SLC10A6: variants seen among roughly 807,000 people sequenced by gnomAD.
SLC10A6 encodes the protein solute carrier family 10 member 6, also known as sodium-dependent organic anion transporter.
Under a neutral mutation model 30.0 loss-of-function variants are expected in SLC10A6, and 27 were observed. That is an observed-to-expected ratio of 0.90 (90% CI 0.66 to 1.24). The LOEUF (loss-of-function observed/expected upper bound fraction) is 1.24. Ranked by LOEUF, SLC10A6 falls within the 50% of genes most tolerant of loss-of-function variation. The pLI is 0.00. For missense variants in SLC10A6, 439 were observed against 457.0 expected (o/e 0.96, Z 0.36); for synonymous variants, 166 against 173.8 (o/e 0.95, Z 0.36).
At chr4:86,842,817 T>C (rs538633608) in intron 1 of SLC10A6, among the ~76,000 whole-genome samples, 1 of 56,994 alleles carries the variant, frequency 1.8e-5, no homozygotes, top group East Asian at 5.7e-4. Flanking sequence ...TTTCTTTCTT[T>C]CTTTCTTTCT....
At chr4:86,837,009 G>A (rs906310120) in intron 1 of SLC10A6, among the ~76,000 whole-genome samples, 9 of 151,724 alleles carry the variant, frequency 5.9e-5, no homozygotes, top group Non-Finnish European at 7.4e-5. Flanking sequence ...CACCCGCCTC[G>A]GCCTCCTAAA....
chr4:86,838,789 G>C lies in SLC10A6; in HGVS notation c.378-5365C>G, dbSNP rs185874878. ...AATACAAAAATTAGCCGGGCATGGT[G>C]GCACACGCCTGTAATCCCAGCTACT... On this transcript the variant is annotated intron_variant, in intron 1 of 5. Coordinates refer to ENST00000273905, the MANE Select transcript of SLC10A6 (RefSeq NM_197965.3). 2.4e-3 allele frequency among the ~76,000 whole-genome samples: 359 copies of C among 152,036 alleles called. 8 individuals are homozygous for C. The South Asian group carries it at 0.045, about 19-fold the overall frequency.
At chr4:86,837,951 G>A (rs1746228899) in intron 1 of SLC10A6, among the ~76,000 whole-genome samples, 1 of 152,162 alleles carries the variant, frequency 6.6e-6, no homozygotes, top group Non-Finnish European at 1.5e-5. Context: ...AGGTCCTTCA[G>A]CACTTTATTG....
chr4:86,837,287 A>AAAGAAAG (rs1560460369), intron 1 of SLC10A6, among the ~76,000 whole-genome samples: 25 of 71,938 alleles, frequency 3.5e-4, no homozygotes, highest in South Asian at 5.0e-4. Flanking sequence ...AAGAAAGAAA[A>AAAGAAAG]AGAAAGGAAG....
intron 1 of SLC10A6, among the ~76,000 whole-genome samples, chr4:86,834,119 G>A (rs1264751025): frequency 6.6e-6 from 1 of 152,136 alleles, no homozygotes; most frequent in Admixed American, 6.6e-5. Flanking sequence ...CGGTCACAGG[G>A]GCAGATCCCT....
At chr4:86,829,155 A>T (rs1216965759) in intron 3 of SLC10A6, among the ~76,000 whole-genome samples, 1 of 152,220 alleles carries the variant, frequency 6.6e-6, no homozygotes, top group Non-Finnish European at 1.5e-5. Flanking sequence ...TCATGTCTGT[A>T]ATCCCAGAAC....
intron 1 of SLC10A6, among the ~76,000 whole-genome samples, chr4:86,841,891 C>G (rs549728354): frequency 6.6e-6 from 1 of 152,118 alleles, no homozygotes; most frequent in Admixed American, 6.5e-5. Flanking sequence ...TAGAATAGAG[C>G]GTAAGGCCCG....
chr4:86,846,767 GTACATATATA>G (rs1369307343), intron 1 of SLC10A6, among the ~76,000 whole-genome samples: 2 of 152,050 alleles, frequency 1.3e-5, no homozygotes, highest in Non-Finnish European at 2.9e-5. Flanking sequence ...TTGAGTGTGT[GTACATATATA>G]TACATATATA....
chr4:86,834,232 T>C (rs1746142587), intron 1 of SLC10A6, among the ~76,000 whole-genome samples: 2 of 152,100 alleles, frequency 1.3e-5, no homozygotes, highest in Admixed American at 1.3e-4. Flanking sequence ...TCCCCTCTCT[T>C]ACCATGTGAT....
In SLC10A6 at chr4:86,831,812, G is replaced by T. The variant is rs1215514427; in HGVS notation, c.565C>A (p.Gln189Lys). Residue 189 changes from glutamine to lysine, a missense_variant, in exon 3 of 6, where the codon CAA (glutamine) becomes AAA (lysine). Physicochemically the swap from Gln to Lys is moderately conservative, Grantham distance 53. Coordinates refer to ENST00000273905, the MANE Select transcript of SLC10A6 (RefSeq NM_197965.3). The part of the protein sequence containing the change: ...GVYVNYRWPK[Q>K]SKIILKIGAV... ...CTCACCTTGAGAATGATTTTGGATT[G>T]TTTTGGCCATCTGTAATTCACATAG... 2 of 1,613,258 alleles carry T rather than the reference G, an allele frequency of 1.2e-6. No homozygotes were observed. The highest frequency in any genetic ancestry group is 1.3e-5 in the African/African-American group (1 of 75,002).
intron 3 of SLC10A6, among the ~76,000 whole-genome samples, chr4:86,829,198 G>A (rs1462639708): frequency 6.6e-6 from 1 of 152,094 alleles, no homozygotes; most frequent in Non-Finnish European, 1.5e-5. Flanking sequence ...ATCACCTGAG[G>A]TCAGGAGTTC....
chr4:86,831,833 CAT>C lies in SLC10A6; in HGVS notation c.542_543del (p.Tyr181CysfsTer100). 1 of 1,613,606 alleles carries C rather than the reference CAT, an allele frequency of 6.2e-7. No individual in the cohort carries two copies. ...GATTGTTTTGGCCATCTGTAATTCACATAGACACCAAAGGCCACAGGAATGGT... is the reference window on the plus strand; with the variant it reads ...GATTGTTTTGGCCATCTGTAATTCACAGACACCAAAGGCCACAGGAATGGT... ...CLTIPVAFGV[Y>X]VNYRWPKQSK... On this transcript the variant is annotated frameshift_variant, in exon 3 of 6. Transcript: ENST00000273905. LOFTEE classifies it high-confidence loss of function.
At chr4:86,829,609 T>C (rs1208947000) in intron 3 of SLC10A6, among the ~76,000 whole-genome samples, 1 of 151,972 alleles carries the variant, frequency 6.6e-6, no homozygotes, top group Non-Finnish European at 1.5e-5. Context: ...ACCAAAGATT[T>C]CAAAGTTTAA....
intron 1 of SLC10A6, among the ~76,000 whole-genome samples, chr4:86,839,352 G>A (rs1456581258): frequency 6.6e-6 from 1 of 152,036 alleles, no homozygotes; most frequent in East Asian, 1.9e-4. Flanking sequence ...TCGGGAGGCT[G>A]AGGCAGGAGG....
At chr4:86,824,194 C>G (rs1300573609) in intron 5 of SLC10A6, among the ~76,000 whole-genome samples, 1 of 152,174 alleles carries the variant, frequency 6.6e-6, no homozygotes, top group African/African-American at 2.4e-5. Context: ...TTCACTCATT[C>G]AGCTAGTCAG....
In SLC10A6 at chr4:86,838,108, T is replaced by C. The variant is rs550757945; in HGVS notation, c.378-4684A>G. On this transcript the variant is annotated intron_variant, in intron 1 of 5. Transcript: ENST00000273905. ...TATACTCTTGACAAAGCAGCATCTG[T>C]TTTACTTCAATGATACTAAAAAGAT... Among the ~76,000 whole-genome samples the C allele has an allele frequency of 5.9e-5, 9 of 152,344 alleles. No individual in the cohort carries two copies. The South Asian group carries it at 8.3e-4, about 14-fold the overall frequency.
Position 86,849,180 on chromosome 4 carries a change from C to T in SLC10A6, c.-65G>A. 6.5e-7 allele frequency: 1 copy of T among 1,530,578 alleles called. No individual in the cohort carries two copies. The highest frequency in any genetic ancestry group is 1.4e-5 in the African/African-American group (1 of 72,470). The allele number at this position is 1,530,578 out of a possible 1,614,324, so 94.8% of individuals were successfully genotyped here. On this transcript the variant is annotated 5_prime_UTR_variant, in exon 1 of 6. Coordinates refer to ENST00000273905, the MANE Select transcript of SLC10A6 (RefSeq NM_197965.3). ...GCAACAATGGCTGGGCAGGTCTATCCTGCCACATTTTGTAATAGTGCAACG... is the reference window on the plus strand; with the variant it reads ...GCAACAATGGCTGGGCAGGTCTATCTTGCCACATTTTGTAATAGTGCAACG...
intron 1 of SLC10A6, among the ~76,000 whole-genome samples, chr4:86,839,924 T>C (rs1256043370): frequency 6.6e-6 from 1 of 151,462 alleles, no homozygotes; most frequent in Non-Finnish European, 1.5e-5. Context: ...TTATTTTTTT[T>C]TTTTAGCTGG....
intron 1 of SLC10A6, among the ~76,000 whole-genome samples, chr4:86,843,356 A>G (rs1175078136): frequency 6.6e-6 from 1 of 152,164 alleles, no homozygotes; most frequent in Non-Finnish European, 1.5e-5. Flanking sequence ...AGCTATTGCA[A>G]TGCTTTCCAA....
Sources: allele counts gnomAD v4.1 joint callset (sites outside exome capture counted in the v4.1 genomes callset), GRCh38; gene constraint gnomAD v4.1.1; transcripts MANE v1.5; gene names NCBI Gene and HGNC (gene_info 2026-07-23, HGNC 2026-07-21).